PCLO: variants seen among roughly 807,000 people sequenced by gnomAD.
PCLO encodes protein piccolo.
In PCLO, 82 loss-of-function variants were observed where a neutral mutation model predicts 427.5. That is an observed-to-expected ratio of 0.19 (90% CI 0.16 to 0.23). The LOEUF (loss-of-function observed/expected upper bound fraction) is 0.23. Ranked by LOEUF, PCLO falls within the 10% of genes least tolerant of loss-of-function variation. The pLI is 1.00. For missense variants in PCLO, 6,239 were observed against 6,115.9 expected, an observed-to-expected ratio of 1.02 and a Z score of -0.67; for synonymous variants, 2,357 against 2,155.4, an observed-to-expected ratio of 1.09 and a Z score of -2.59.
chr7:82,833,366 T>A (rs2115726801), intron 16 of PCLO, among the ~76,000 whole-genome samples: 1 of 152,294 alleles, frequency 6.6e-6, no homozygotes, highest in East Asian at 1.9e-4. Context: ...AGGCCCTTCA[T>A]ATATGCTCAT....
intron 3 of PCLO, among the ~76,000 whole-genome samples, chr7:83,052,620 C>A (rs1789282310): frequency 6.6e-6 from 1 of 151,928 alleles, no homozygotes; most frequent in African/African-American, 2.4e-5. Context: ...CTACAGGAAT[C>A]AAAAATCAAC....
intron 2 of PCLO, among the ~76,000 whole-genome samples, chr7:83,146,207 C>T (rs1791989639): frequency 6.6e-6 from 1 of 152,118 alleles, no homozygotes; most frequent in Non-Finnish European, 1.5e-5. Context: ...ATGTTGCTTC[C>T]TTATCAAAGG....
At chr7:82,889,663 A>AT (rs1157232038) in intron 9 of PCLO, among the ~76,000 whole-genome samples, 4 of 152,060 alleles carry the variant, frequency 2.6e-5, no homozygotes, top group Non-Finnish European at 4.4e-5. Context: ...TTAAGGCAGC[A>AT]TTTTTTTCAT....
Position 82,954,137 on chromosome 7 carries a change from A to G in PCLO, c.6816T>C (p.Ser2272=). 1 of 1,613,936 alleles carries G rather than the reference A, an allele frequency of 6.2e-7. No individual in the cohort carries two copies. The highest frequency in any genetic ancestry group is 8.5e-7 in the Non-Finnish European group (1 of 1,179,854). ...IVISLSDMAS[S]IIESVVPKPE... ...GTTTAGGTACTACAGATTCTATGAT[A>G]GAAGATGCCATATCAGATAAGGAAA... The change falls in exon 5 of 25, where the codon TCT becomes TCC. Residue 2272 remains serine, a synonymous_variant. Transcript: ENST00000333891.
intron 3 of PCLO, among the ~76,000 whole-genome samples, chr7:83,027,886 G>C (rs1413102609): frequency 7.9e-6 from 1 of 126,402 alleles, no homozygotes; most frequent in Non-Finnish European, 1.7e-5. Context: ...TGCAGAAAAG[G>C]CCTTTGACAA....
intron 3 of PCLO, among the ~76,000 whole-genome samples, chr7:83,086,117 CTTTTTT>C (rs71074614): frequency 6.7e-6 from 1 of 148,638 alleles, no homozygotes; most frequent in Non-Finnish European, 1.5e-5. Flanking sequence ...CTTTTTTTTT[CTTTTTT>C]TTTTGAGACG....
At chr7:83,013,935 T>C (rs529754981) in intron 3 of PCLO, among the ~76,000 whole-genome samples, 2 of 152,190 alleles carry the variant, frequency 1.3e-5, no homozygotes, top group Non-Finnish European at 2.9e-5. Flanking sequence ...TTATTGTTCC[T>C]GTTTCCATTG....
chr7:82,943,764 T>G (rs1795137679), intron 6 of PCLO, among the ~76,000 whole-genome samples: 1 of 151,898 alleles, frequency 6.6e-6, no homozygotes, highest in South Asian at 2.1e-4. Flanking sequence ...CTAGAGATAA[T>G]CCATAGATAC....
chr7:82,939,492 C>T (rs1562869495), intron 6 of PCLO, among the ~76,000 whole-genome samples: 1 of 151,444 alleles, frequency 6.6e-6, no homozygotes, highest in African/African-American at 2.4e-5. Flanking sequence ...AGAACACAAC[C>T]TTGGAATATG....
intron 3 of PCLO, among the ~76,000 whole-genome samples, chr7:83,019,572 T>G (rs1017214748): frequency 6.6e-6 from 1 of 151,930 alleles, no homozygotes; most frequent in African/African-American, 2.4e-5. Context: ...GAGTTCCAGG[T>G]AAGACATGGA....
intron 6 of PCLO, among the ~76,000 whole-genome samples, chr7:82,924,078 T>G (rs200324580): frequency 6.6e-6 from 1 of 152,130 alleles, no homozygotes; most frequent in East Asian, 1.9e-4. Context: ...GATTGATTGT[T>G]AATTAATATA....
At chr7:83,046,940 T>C (rs1256627903) in intron 3 of PCLO, among the ~76,000 whole-genome samples, 1 of 151,986 alleles carries the variant, frequency 6.6e-6, no homozygotes, top group East Asian at 1.9e-4. Context: ...ACAACAAACT[T>C]ATTGAAGTAG....
chr7:83,024,576 A>G lies in PCLO; in HGVS notation c.3301-58089T>C, dbSNP rs1004575193. On this transcript the variant is annotated intron_variant, in intron 3 of 24. Transcript: ENST00000333891. ...GCTTGATTAGGTAAACAAAGCAGCC[A>G]GGAAGCTCGAACTGGGTGGAGCCCA... is the stretch of plus-strand genomic sequence containing the variant. Among the ~76,000 whole-genome samples the G allele has an allele frequency of 9.0e-4, 137 of 152,326 alleles. 6 individuals are homozygous for G. In the South Asian group the frequency reaches 0.023, roughly 25 times the overall value.
intron 22 of PCLO, 91 bp downstream of exon 22, chr7:82,801,427 T>C (rs1791350104): frequency 2.8e-6 from 2 of 718,838 alleles, no homozygotes; most frequent in Non-Finnish European, 5.0e-6. Context: ...GTTTGTAACA[T>C]TTAAATTCAT....
Position 83,154,964 on chromosome 7 carries a change from G to A in PCLO, c.1677C>T (p.Ser559=). 1.9e-6 allele frequency: 3 copies of A among 1,613,990 alleles called. No homozygotes were observed. The highest frequency in any genetic ancestry group is 2.5e-6 in the Non-Finnish European group (3 of 1,179,882). ...GCAGAGGTTTTCCAGATCCTGTTTG[G>A]CTTACTGGTTTTGTAGATTGCTGAG... ...PSAQQSTKPV[S]QTGSGKPLQP... is the part of the protein sequence containing the mutation. The change falls in exon 2 of 25, where the codon AGC becomes AGT. Residue 559 remains serine (S), a synonymous_variant. Transcript: ENST00000333891.
At chr7:82,783,961 A>G (rs1014497114) in intron 22 of PCLO, among the ~76,000 whole-genome samples, 2 of 150,526 alleles carry the variant, frequency 1.3e-5, no homozygotes, top group African/African-American at 4.9e-5. Flanking sequence ...ATAGACACAT[A>G]CATACATGAA....
intron 9 of PCLO, among the ~76,000 whole-genome samples, chr7:82,880,157 G>GT (rs1793469898): frequency 6.6e-6 from 1 of 151,988 alleles, no homozygotes; most frequent in South Asian, 2.1e-4. Context: ...TAGTTTCTGT[G>GT]TTTTTTAAAA....
intron 10 of PCLO, among the ~76,000 whole-genome samples, chr7:82,855,567 A>G (rs548115348): frequency 5.9e-5 from 9 of 152,278 alleles, no homozygotes; most frequent in Admixed American, 4.6e-4. Flanking sequence ...CTACATGCTG[A>G]TATTATTTGG....
At chr7:82,908,098 C>T (rs930682892) in intron 8 of PCLO, among the ~76,000 whole-genome samples, 5 of 151,938 alleles carry the variant, frequency 3.3e-5, no homozygotes, top group African/African-American at 9.7e-5. Flanking sequence ...ATAATGAGTA[C>T]ACAACCTGCA....
Sources: allele counts gnomAD v4.1 joint callset (sites outside exome capture counted in the v4.1 genomes callset), GRCh38; gene constraint gnomAD v4.1.1; transcripts MANE v1.5; gene names NCBI Gene and HGNC (gene_info 2026-07-23, HGNC 2026-07-21).